Variants in DYNC1I1 observed in about 807,000 individuals in gnomAD.
DYNC1I1 encodes dynein cytoplasmic 1 intermediate chain 1.
In DYNC1I1, 43 loss-of-function variants were observed where a neutral mutation model predicts 86.6. The observed-to-expected ratio is 0.50, with a 90% CI of 0.39 to 0.64. The LOEUF (loss-of-function observed/expected upper bound fraction) is 0.64. Ranked by LOEUF, DYNC1I1 falls within the 30% of genes least tolerant of loss-of-function variation. The pLI, the probability that DYNC1I1 is intolerant of heterozygous loss-of-function variation, is 0.00. For synonymous variants in DYNC1I1, 262 were observed against 283.7 expected (o/e 0.92, Z 0.77); for missense variants, 604 against 788.8 (o/e 0.77, Z 2.81).
chr7:95,796,690 A>G (rs150128018), intron 1 of DYNC1I1, among the ~76,000 whole-genome samples: 42 of 152,222 alleles, frequency 2.8e-4, no homozygotes, highest in African/African-American at 9.9e-4. Context: ...TAGATTATTT[A>G]TATAAACACT....
intron 6 of DYNC1I1, among the ~76,000 whole-genome samples, chr7:95,934,437 T>C (rs1447297943): frequency 2.0e-5 from 3 of 152,352 alleles, no homozygotes; most frequent in African/African-American, 7.2e-5. Context: ...GCTTCCATTA[T>C]GTAAACCTGT....
intron 6 of DYNC1I1, among the ~76,000 whole-genome samples, chr7:95,904,557 G>C (rs1046792014): frequency 2.0e-5 from 3 of 152,040 alleles, no homozygotes; most frequent in Non-Finnish European, 4.4e-5. Context: ...GGATTTGCAT[G>C]TTGGTTAGTA....
chr7:95,870,789 C>CA (rs1738897902), intron 6 of DYNC1I1, among the ~76,000 whole-genome samples: 1 of 152,102 alleles, frequency 6.6e-6, no homozygotes, highest in African/African-American at 2.4e-5. Context: ...TCCTAGAATT[C>CA]AAAACTTTAT....
chr7:95,962,726 T>C (rs563184261), intron 6 of DYNC1I1, among the ~76,000 whole-genome samples: 5 of 152,318 alleles, frequency 3.3e-5, no homozygotes, highest in Admixed American at 6.5e-5. Flanking sequence ...GAAGAACTTA[T>C]TGTTTACATG....
intron 16 of DYNC1I1, among the ~76,000 whole-genome samples, chr7:96,105,435 T>C (rs948946270): frequency 2.6e-5 from 4 of 152,112 alleles, no homozygotes; most frequent in African/African-American, 9.6e-5. Context: ...ATAATTTTTA[T>C]CCTTTATTCT....
intron 5 of DYNC1I1, among the ~76,000 whole-genome samples, chr7:95,852,634 G>A (rs1018666038): frequency 3.2e-4 from 48 of 152,098 alleles, no homozygotes; most frequent in African/African-American, 1.1e-3. Context: ...AGCCTCCCGG[G>A]TAGCGAGGAT....
intron 14 of DYNC1I1, among the ~76,000 whole-genome samples, chr7:96,067,402 A>G (rs912644804): frequency 6.6e-6 from 1 of 151,384 alleles, no homozygotes; most frequent in Non-Finnish European, 1.5e-5. Flanking sequence ...TTGGCTTTCA[A>G]TGAAACTACC....
Position 95,894,952 on chromosome 7 carries a change from G to A in DYNC1I1, c.490+24954G>A, listed in dbSNP as rs547631342. Reference sequence around the variant, plus strand: ...AGTGGTCAGGCATTGTTGTGGAGAAGAATTGGGCCTTTTCTGTTGACCAAT... The same window carrying A: ...AGTGGTCAGGCATTGTTGTGGAGAAAAATTGGGCCTTTTCTGTTGACCAAT... On this transcript the variant is annotated intron_variant, in intron 6 of 16. Coordinates refer to ENST00000447467, the MANE Select transcript of DYNC1I1 (RefSeq NM_001135556.2). Among the ~76,000 whole-genome samples, 69 of 152,324 alleles carry A rather than the reference G, an allele frequency of 4.5e-4. 3 individuals carry two copies. The South Asian group carries it at 8.7e-3, about 19-fold the overall frequency.
intron 6 of DYNC1I1, among the ~76,000 whole-genome samples, chr7:95,871,751 T>C (rs1053148404): frequency 1.3e-5 from 2 of 152,198 alleles, no homozygotes; most frequent in Admixed American, 1.3e-4. Context: ...TCCATTTTAT[T>C]ACTGCAAGGA....
At chr7:96,073,766 T>A (rs1324589686) in intron 14 of DYNC1I1, among the ~76,000 whole-genome samples, 1 of 152,162 alleles carries the variant, frequency 6.6e-6, no homozygotes, top group Non-Finnish European at 1.5e-5. Flanking sequence ...AGCTATAAAA[T>A]CAAGAATTTG....
intron 1 of DYNC1I1, among the ~76,000 whole-genome samples, chr7:95,791,082 TG>T (rs1794289323): frequency 6.6e-6 from 1 of 152,240 alleles, no homozygotes; most frequent in African/African-American, 2.4e-5. Context: ...GCATGTGTAA[TG>T]CTGATCTATT....
rs768597965 is a variant in DYNC1I1, at chr7:95,804,706, T to C, written c.-9-15T>C. ...ATTTATATATATGTTCACTTTTTTT[T>C]TCTCTTTCTCCAAGGAAACCAACAT... On this transcript the variant is annotated splice_polypyrimidine_tract_variant and intron_variant, in intron 1 of 16. Coordinates refer to ENST00000447467, the MANE Select transcript of DYNC1I1 (RefSeq NM_001135556.2). The C allele has an allele frequency of 5.1e-6, 8 of 1,557,856 alleles. No individual in the cohort carries two copies. The highest frequency in any genetic ancestry group is 3.7e-5 in the South Asian group (3 of 81,216).
intron 14 of DYNC1I1, among the ~76,000 whole-genome samples, chr7:96,074,202 A>G (rs1790254548): frequency 6.6e-6 from 1 of 152,136 alleles, no homozygotes; most frequent in Non-Finnish European, 1.5e-5. Context: ...GACACATCTC[A>G]CTATATCCAC....
At chr7:96,086,960 G>T (rs1448819172) in intron 16 of DYNC1I1, among the ~76,000 whole-genome samples, 1 of 152,100 alleles carries the variant, frequency 6.6e-6, no homozygotes, top group Non-Finnish European at 1.5e-5. Context: ...AAAAAAAAGA[G>T]ATTCAATGGG....
At chr7:95,935,791 C>T (rs887752930) in intron 6 of DYNC1I1, among the ~76,000 whole-genome samples, 10 of 151,802 alleles carry the variant, frequency 6.6e-5, no homozygotes, top group African/African-American at 1.2e-4. Context: ...AAGAAATGGA[C>T]GACAGATTTA....
At chr7:95,827,626 C>T (rs1584257659) in intron 4 of DYNC1I1, among the ~76,000 whole-genome samples, 2 of 152,266 alleles carry the variant, frequency 1.3e-5, no homozygotes, top group South Asian at 2.1e-4. Context: ...AGTCATACCC[C>T]TGCCCTTACC....
chr7:95,987,627 C>G (rs1038610831), intron 9 of DYNC1I1, among the ~76,000 whole-genome samples: 10 of 152,102 alleles, frequency 6.6e-5, no homozygotes, highest in Non-Finnish European at 1.0e-4. Flanking sequence ...TGCTCTCAAC[C>G]CCTGCTCTTC....
chr7:95,850,116 T>C (rs746044251), intron 5 of DYNC1I1, among the ~76,000 whole-genome samples: 23 of 152,192 alleles, frequency 1.5e-4, no homozygotes, highest in Non-Finnish European at 2.6e-4. Flanking sequence ...GTGAAGTCTT[T>C]AGGGTTTTCT....
In DYNC1I1 at chr7:95,930,286, G is replaced by C. The variant is rs117962533; in HGVS notation, c.491-47226G>C. Among the ~76,000 whole-genome samples, 860 of 152,262 alleles carry C rather than the reference G, an allele frequency of 5.6e-3. 25 individuals carry two copies. In the East Asian group the frequency reaches 0.072, roughly 13 times the overall value. ...GCTAAATGTGTTTTACTAATGATTG[G>C]GGTGGCATTAATTGTAATTACTTGT... On this transcript the variant is annotated intron_variant, in intron 6 of 16. Coordinates refer to ENST00000447467, the MANE Select transcript of DYNC1I1 (RefSeq NM_001135556.2).
Sources: gnomAD v4.1 joint callset for allele counts (sites outside exome capture counted in the v4.1 genomes callset) on GRCh38, gnomAD v4.1.1 for gene constraint, MANE v1.5 for transcripts, NCBI Gene and HGNC (gene_info 2026-07-23, HGNC 2026-07-21) for gene names.